Variants in HTR1E observed in about 807,000 individuals in gnomAD.
HTR1E encodes 5-hydroxytryptamine receptor 1E.
A neutral mutation model predicts 3.4 loss-of-function variants in HTR1E; 3 were observed. That is an observed-to-expected ratio of 0.89 (90% CI 0.41 to 2.31). The LOEUF is 2.31. HTR1E is among the 30% of genes most tolerant of loss of function. The pLI is 0.05. For synonymous variants in HTR1E, 170 were observed against 182.8 expected (o/e 0.93, Z 0.56); for missense variants, 392 against 467.0 (o/e 0.84, Z 1.48).
At chr6:87,014,259 T>TAAC (rs2127834370) in intron 1 of HTR1E, among the ~76,000 whole-genome samples, 1 of 106,292 alleles carries the variant, frequency 9.4e-6, no homozygotes, top group East Asian at 4.2e-4. Context: ...TAAAGTATAA[T>TAAC]AATAATAATA....
At chr6:87,009,159 T>TA (rs1342986263) in intron 1 of HTR1E, among the ~76,000 whole-genome samples, 1 of 150,900 alleles carries the variant, frequency 6.6e-6, no homozygotes, top group African/African-American at 2.5e-5. Flanking sequence ...GGTCAGCAGA[T>TA]AAACAAGTGA....
chr6:86,978,411 G>A (rs1238731585), intron 1 of HTR1E, among the ~76,000 whole-genome samples: 5 of 152,106 alleles, frequency 3.3e-5, no homozygotes, highest in Admixed American at 6.6e-5. Flanking sequence ...AAGAACATAC[G>A]TTACATCAGA....
chr6:86,954,381 C>T (rs565787722), intron 1 of HTR1E, among the ~76,000 whole-genome samples: 1 of 152,234 alleles, frequency 6.6e-6, no homozygotes, highest in East Asian at 1.9e-4. Flanking sequence ...AGAGGCCTGC[C>T]CCACAAATCC....
intron 1 of HTR1E, among the ~76,000 whole-genome samples, chr6:86,989,546 T>C (rs547132362): frequency 5.3e-5 from 8 of 152,268 alleles, no homozygotes; most frequent in South Asian, 4.1e-4. Context: ...ATAGACAACA[T>C]TGTCACCTGA....
chr6:86,957,474 T>A (rs2127819486), intron 1 of HTR1E, among the ~76,000 whole-genome samples: 1 of 152,342 alleles, frequency 6.6e-6, no homozygotes, highest in South Asian at 2.1e-4. Context: ...CTTTTTTTTA[T>A]GAAACATTGT....
chr6:86,947,026 G>C (rs1311219325), intron 1 of HTR1E, among the ~76,000 whole-genome samples: 2 of 152,074 alleles, frequency 1.3e-5, no homozygotes, highest in Admixed American at 6.5e-5. Context: ...TGAGGCAGGA[G>C]AATCGCTTGA....
chr6:86,998,553 T>C (rs1215960732), intron 1 of HTR1E, among the ~76,000 whole-genome samples: 1 of 152,116 alleles, frequency 6.6e-6, no homozygotes, highest in Non-Finnish European at 1.5e-5. Flanking sequence ...TACTGAAATT[T>C]GTAGGATATA....
intron 1 of HTR1E, among the ~76,000 whole-genome samples, chr6:86,997,076 C>A (rs949493631): frequency 2.6e-5 from 4 of 151,754 alleles, no homozygotes; most frequent in Non-Finnish European, 5.9e-5. Flanking sequence ...GATTAACAAG[C>A]TATAGAAGAA....
chr6:86,953,217 T>C (rs745803022), intron 1 of HTR1E, among the ~76,000 whole-genome samples: 2 of 152,144 alleles, frequency 1.3e-5, no homozygotes, highest in Non-Finnish European at 2.9e-5. Flanking sequence ...GGAAAAAATA[T>C]GTTGGGAGGA....
chr6:86,949,565 C>A (rs1173438180), intron 1 of HTR1E, among the ~76,000 whole-genome samples: 1 of 152,080 alleles, frequency 6.6e-6, no homozygotes, highest in Non-Finnish European at 1.5e-5. Context: ...AAGTTTCCAT[C>A]CACATAATTG....
chr6:86,966,907 T>C (rs1239176764), intron 1 of HTR1E, among the ~76,000 whole-genome samples: 4 of 152,218 alleles, frequency 2.6e-5, no homozygotes, highest in Non-Finnish European at 5.9e-5. Flanking sequence ...AATATTTTAT[T>C]CAAGTTTATT....
intron 1 of HTR1E, among the ~76,000 whole-genome samples, chr6:87,009,777 G>T (rs570253931): frequency 5.3e-5 from 7 of 130,938 alleles, no homozygotes; most frequent in Non-Finnish European, 1.1e-4. Context: ...GGCCGGGCAG[G>T]GGGGCTGACC....
At chr6:86,958,937 C>CGTGTGTGTGTGTGTGTGT (rs55871033) in intron 1 of HTR1E, among the ~76,000 whole-genome samples, 1 of 139,976 alleles carries the variant, frequency 7.1e-6, no homozygotes, top group Non-Finnish European at 1.6e-5. Flanking sequence ...ACCAATTGCA[C>CGTGTGTGTGTGTGTGTGT]GTGTGTGTGT....
At chr6:86,996,209 A>G (rs1443993907) in intron 1 of HTR1E, among the ~76,000 whole-genome samples, 2 of 152,214 alleles carry the variant, frequency 1.3e-5, no homozygotes, top group Non-Finnish European at 2.9e-5. Context: ...ATCTTGGACC[A>G]TAAAATAGAC....
chr6:86,986,409 T>A (rs1341138991), intron 1 of HTR1E, among the ~76,000 whole-genome samples: 1 of 152,204 alleles, frequency 6.6e-6, no homozygotes. Flanking sequence ...GAGCTAAGAT[T>A]GAAATTAGAT....
chr6:86,943,449 C>T (rs1216779669), intron 1 of HTR1E, among the ~76,000 whole-genome samples: 1 of 152,196 alleles, frequency 6.6e-6, no homozygotes, highest in Admixed American at 6.5e-5. Context: ...GTTAATACCC[C>T]ATTCTCTTGG....
At chr6:86,965,604 C>G (rs1380920409) in intron 1 of HTR1E, among the ~76,000 whole-genome samples, 1 of 152,126 alleles carries the variant, frequency 6.6e-6, no homozygotes, top group Non-Finnish European at 1.5e-5. Context: ...GCAGGCCTCA[C>G]CTTCCCAGTC....
intron 1 of HTR1E, among the ~76,000 whole-genome samples, chr6:86,964,507 A>G (rs561921478): frequency 6.6e-6 from 1 of 152,248 alleles, no homozygotes; most frequent in South Asian, 2.1e-4. Flanking sequence ...GTGATATAGC[A>G]GAACTGTCTG....
At chr6:86,986,536 G>C (rs79442459) in intron 1 of HTR1E, among the ~76,000 whole-genome samples, 3,169 of 152,200 alleles carry the variant, frequency 0.021, 47 homozygotes, top group Non-Finnish European at 0.028. Flanking sequence ...TAGTGAGTGA[G>C]CACTAATCAG....
Sources: gnomAD v4.1 joint callset for allele counts (sites outside exome capture counted in the v4.1 genomes callset) on GRCh38, gnomAD v4.1.1 for gene constraint, MANE v1.5 for transcripts, NCBI Gene and HGNC (gene_info 2026-07-23, HGNC 2026-07-21) for gene names.